The following CTBP2 variants were observed in gnomAD, a reference collection of about 807,000 sequenced individuals.
The protein encoded by CTBP2 is C-terminal-binding protein 2.
Under a neutral mutation model 80.3 loss-of-function variants are expected in CTBP2, and 30 were observed. The observed-to-expected ratio is 0.37, with a 90% CI of 0.28 to 0.51. CTBP2 has a LOEUF of 0.51. Ranked by LOEUF, CTBP2 falls within the 20% of genes least tolerant of loss-of-function variation. CTBP2 has a pLI of 0.93. For missense variants in CTBP2, 1,212 were observed against 1,375.3 expected (o/e 0.88, Z 1.88); for synonymous variants, 594 against 587.4 (o/e 1.01, Z -0.16).
chr10:125,005,167 C>T (rs1378950510), intron 1 of CTBP2, among the ~76,000 whole-genome samples: 2 of 152,206 alleles, frequency 1.3e-5, no homozygotes, highest in African/African-American at 4.8e-5. Flanking sequence ...GAAGGCCGTG[C>T]TCGGCCAGTG....
chr10:125,094,581 C>T (rs913269740), intron 2 of CTBP2, among the ~76,000 whole-genome samples: 10 of 152,170 alleles, frequency 6.6e-5, no homozygotes, highest in African/African-American at 1.2e-4. Context: ...TCTACCCCTT[C>T]ACCAGGGGCT....
intron 1 of CTBP2, chr10:125,026,029 C>T (rs1957497437): frequency 2.0e-6 from 3 of 1,519,490 alleles, no homozygotes; most frequent in East Asian, 2.3e-5. Context: ...CAACCCCGCA[C>T]CCCCCTGCTC....
chr10:125,108,209 CTT>C (rs1488325493), intron 2 of CTBP2, among the ~76,000 whole-genome samples: 1 of 152,204 alleles, frequency 6.6e-6, no homozygotes, highest in Non-Finnish European at 1.5e-5. Flanking sequence ...GAACGAGCCT[CTT>C]GTCAGGAGAA....
intron 1 of CTBP2, among the ~76,000 whole-genome samples, chr10:125,135,351 T>C (rs746912979): frequency 6.6e-6 from 1 of 152,068 alleles, no homozygotes; most frequent in African/African-American, 2.4e-5. Context: ...CCGAAAAAAA[T>C]GTAAGGTCCC....
rs1352627509 is a variant in CTBP2 at position 124,987,083 on chromosome 10, G to T, written c.*2435C>A. The stretch of plus-strand genomic sequence containing the variant: ...CATTTCCTAGGCTACAGACAGGAAT[G>T]GGGCTCTAAATGGTTTTCATAGACT... On this transcript the variant is annotated 3_prime_UTR_variant, in exon 9 of 9. Transcript: ENST00000309035. 6.6e-6 allele frequency: 1 copy of T among 152,616 alleles called. No individual in the cohort carries two copies. Among genetic ancestry groups the T allele is most frequent in the African/African-American group, 2.4e-5 (1 of 41,430 alleles). 9.5% of individuals were successfully genotyped at this position (152,616 alleles called of 1,614,324 possible). A position where few individuals can be genotyped will look rare whatever the true frequency, so the allele number is the denominator to read the frequency against.
Position 125,025,961 on chromosome 10 carries a change from G to GGTGT in CTBP2, c.1678+117_1678+120dup. The GGTGT allele has an allele frequency of 5.6e-6, 7 of 1,241,228 alleles. No individual in the cohort carries two copies. The South Asian group carries it at 6.1e-5, about 11-fold the overall frequency. 76.9% of individuals were successfully genotyped at this position (1,241,228 alleles called of 1,614,324 possible). A position where few individuals can be genotyped will look rare whatever the true frequency, so the allele number is the denominator to read the frequency against. On this transcript the variant is annotated intron_variant, in intron 1 of 8. Transcript: ENST00000309035. ...CAGTGCTGCGTCCTTCTTGTTTGGT[G>GGTGT]GTGTGTGTGTGTGTGGCCTGGTGAG...
intron 2 of CTBP2, among the ~76,000 whole-genome samples, chr10:125,083,987 G>A: frequency 6.6e-6 from 1 of 152,130 alleles, no homozygotes; most frequent in East Asian, 1.9e-4. Context: ...CACTATGTTG[G>A]CCAGGCTGGT....
intron 1 of CTBP2, among the ~76,000 whole-genome samples, chr10:125,011,077 G>A (rs1407461356): frequency 8.5e-5 from 13 of 152,194 alleles, no homozygotes; most frequent in Admixed American, 3.9e-4. Context: ...GGAAAAAATC[G>A]AGTGTTGGGA....
At chr10:125,023,871 C>T (rs1051802368) in intron 1 of CTBP2, among the ~76,000 whole-genome samples, 3 of 152,164 alleles carry the variant, frequency 2.0e-5, no homozygotes, top group South Asian at 4.1e-4. Flanking sequence ...AGTGCAACAC[C>T]GCCCATCCCG....
At chr10:124,994,053 A>T (rs571588196) in intron 5 of CTBP2, 68 bp from the exon 8 acceptor site, 1 of 1,587,482 alleles carries the variant, frequency 6.3e-7, no homozygotes, top group East Asian at 2.2e-5. Flanking sequence ...ACCAAGGTTT[A>T]AAGAAGAAAG....
At position 125,026,133 on chromosome 10, in the gene CTBP2, G is replaced by A. The variant is rs754391337; in HGVS notation, c.1627C>T (p.Arg543Trp). ...ACGATGATGGGTGCCCCTGTGCGCC[G>A]GGCCACCTTCTGGTACGGTGAGTGA... Residue 543 changes from arginine (R) to tryptophan (W), a missense_variant, in exon 1 of 9, where the codon CGG becomes TGG. This residue lies in a region of CTBP2 where 848 missense variants were observed against 782.3 expected (regional missense o/e 1.08). Coordinates refer to ENST00000309035, the MANE Select transcript of CTBP2 (RefSeq NM_022802.3). The A allele has an allele frequency of 1.2e-5, 19 of 1,597,448 alleles. No homozygotes were observed. Among genetic ancestry groups the A allele is most frequent in the Admixed American group, 1.7e-5 (1 of 59,408 alleles).
chr10:125,095,794 AAGT>A (rs1215241859), intron 2 of CTBP2, among the ~76,000 whole-genome samples: 2 of 152,250 alleles, frequency 1.3e-5, no homozygotes, highest in African/African-American at 4.8e-5. Context: ...TTTCTGTAGG[AAGT>A]AGTAGGTTTC....
chr10:125,024,440 T>C (rs890110844), intron 1 of CTBP2, among the ~76,000 whole-genome samples: 25 of 152,236 alleles, frequency 1.6e-4, no homozygotes, highest in African/African-American at 6.0e-4. Flanking sequence ...GCAATCACAC[T>C]GCAAACAACT....
chr10:124,991,870 T>C (rs1952670663), intron 8 of CTBP2, among the ~76,000 whole-genome samples: 1 of 129,446 alleles, frequency 7.7e-6, no homozygotes, highest in South Asian at 2.7e-4. Context: ...GGGCTACTGA[T>C]TTTCCTGGGA....
intron 2 of CTBP2, among the ~76,000 whole-genome samples, chr10:125,056,096 C>G (rs375123186): frequency 1.8e-4 from 28 of 151,660 alleles, no homozygotes; most frequent in Admixed American, 1.2e-3. Flanking sequence ...GCCTGACAGG[C>G]AGAGGTTACA....
chr10:125,093,871 T>C lies in CTBP2; in HGVS notation c.-102+17119A>G, dbSNP rs568031498. 4.6e-5 allele frequency among the ~76,000 whole-genome samples: 7 copies of C among 152,272 alleles called. No homozygotes were observed. In the South Asian group the frequency reaches 1.0e-3, roughly 23 times the overall value. On this transcript the variant is annotated intron_variant, in intron 2 of 10. Coordinates refer to the CTBP2 transcript ENST00000337195. ...TGCATTGGAAAACCCGGGTGTTTGA[T>C]TCAACTAAATCATCTCAAAGCCTGC...
intron 1 of CTBP2, among the ~76,000 whole-genome samples, chr10:125,156,493 G>T (rs1387775052): frequency 6.6e-6 from 1 of 152,176 alleles, no homozygotes; most frequent in Non-Finnish European, 1.5e-5. Context: ...GTTGGCAAAT[G>T]GCATTCTGGT....
upstream of CTBP2, among the ~76,000 whole-genome samples, chr10:125,161,582 G>C (rs956233297): frequency 1.3e-5 from 2 of 152,144 alleles, no homozygotes; most frequent in African/African-American, 4.8e-5. Flanking sequence ...GGGCACTTGC[G>C]CTCCCCAAAT....
intron 1 of CTBP2, among the ~76,000 whole-genome samples, chr10:125,023,249 G>A (rs1393684144): frequency 1.3e-5 from 2 of 152,224 alleles, no homozygotes; most frequent in Admixed American, 1.3e-4. Flanking sequence ...AGCTCAGAAA[G>A]ATCTTTTTGT....
Sources: gnomAD v4.1 joint callset for allele counts (sites outside exome capture counted in the v4.1 genomes callset) on GRCh38, gnomAD v4.1.1 for gene constraint, gnomAD v4.1.1 regional missense constraint, MANE v1.5 for transcripts, NCBI Gene and HGNC (gene_info 2026-07-23, HGNC 2026-07-21) for gene names.